FIGN: variants seen among roughly 807,000 people sequenced by gnomAD.
The protein encoded by FIGN is fidgetin.
In FIGN, 11 loss-of-function variants were observed where a neutral mutation model predicts 51.3. The observed-to-expected ratio is 0.21, with a 90% CI of 0.13 to 0.35. The LOEUF is 0.35. Among genes scored for constraint, FIGN ranks in the 10% least tolerant of loss-of-function variants. The probability of loss-of-function intolerance (pLI) is 1.00; values close to 1 mark genes in which losing one functional copy is unlikely to be tolerated. For synonymous variants in FIGN, 407 were observed against 363.2 expected, an observed-to-expected ratio of 1.12 and a Z score of -1.37; for missense variants, 857 against 943.6, an observed-to-expected ratio of 0.91 and a Z score of 1.20.
At chr2:163,634,089 C>CGT (rs66956230) in intron 2 of FIGN, among the ~76,000 whole-genome samples, 6,045 of 145,124 alleles carry the variant, frequency 0.042, 254 homozygotes, top group East Asian at 0.19. Flanking sequence ...CGTATGTATG[C>CGT]GTGTGTGTGT....
chr2:163,710,626 CCTGA>C (rs1180723483), intron 2 of FIGN, among the ~76,000 whole-genome samples: 4 of 152,188 alleles, frequency 2.6e-5, no homozygotes, highest in African/African-American at 9.6e-5. Context: ...CTTTGTGCTG[CCTGA>C]CTATGACATA....
At chr2:163,614,235 A>T (rs1298252750) in intron 2 of FIGN, among the ~76,000 whole-genome samples, 1 of 152,136 alleles carries the variant, frequency 6.6e-6, no homozygotes, top group East Asian at 1.9e-4. Context: ...AATGGGTGAA[A>T]TGACCGAAAC....
intron 2 of FIGN, among the ~76,000 whole-genome samples, chr2:163,648,832 T>A (rs767310531): frequency 1.3e-5 from 2 of 152,230 alleles, no homozygotes; most frequent in Non-Finnish European, 2.9e-5. Context: ...CAGTAACTTT[T>A]AGCTTGCAAT....
chr2:163,611,121 ATT>A lies in FIGN; in HGVS notation c.709_710del (p.Asn237TrpfsTer4). 1 of 1,614,128 alleles carries A rather than the reference ATT, an allele frequency of 6.2e-7. No individual in the cohort carries two copies. The highest frequency in any genetic ancestry group is 8.5e-7 in the Non-Finnish European group (1 of 1,180,014). On this transcript the variant is annotated frameshift_variant, in exon 3 of 3. Coordinates refer to ENST00000333129, the MANE Select transcript of FIGN (RefSeq NM_018086.4). LOFTEE classifies it high-confidence loss of function. ...TGTAACTGGAGAGGTTAGAAGTCCC[ATT>A]GTAGCCTGGGACCAAGGCTGGTGGC... Reference protein sequence around the residue: ...PPPPALVPGYNGTSNLSSYSY... With the variant: ...PPPPALVPGYXGTSNLSSYSY...
At chr2:163,731,480 A>G (rs1255369911) in intron 2 of FIGN, among the ~76,000 whole-genome samples, 1 of 152,134 alleles carries the variant, frequency 6.6e-6, no homozygotes, top group Non-Finnish European at 1.5e-5. Context: ...ATCAGAAGTA[A>G]CTACCTACAA....
intron 2 of FIGN, among the ~76,000 whole-genome samples, chr2:163,688,123 G>C (rs780318951): frequency 6.6e-6 from 1 of 152,042 alleles, no homozygotes; most frequent in Non-Finnish European, 1.5e-5. Flanking sequence ...GTATATATAC[G>C]GCATTCACTC....
chr2:163,650,489 C>T (rs1343663610), intron 2 of FIGN, among the ~76,000 whole-genome samples: 5 of 151,990 alleles, frequency 3.3e-5, no homozygotes, highest in Non-Finnish European at 7.4e-5. Context: ...GTTTGTTGCA[C>T]TAATCAGTTT....
chr2:163,732,785 C>T (rs942752519), intron 2 of FIGN, among the ~76,000 whole-genome samples: 2 of 152,152 alleles, frequency 1.3e-5, no homozygotes, highest in Admixed American at 6.5e-5. Context: ...AAGCAGCTTC[C>T]ACCTCGGACC....
chr2:163,675,380 A>T (rs1192380170), intron 2 of FIGN, among the ~76,000 whole-genome samples: 2 of 152,226 alleles, frequency 1.3e-5, no homozygotes, highest in Non-Finnish European at 2.9e-5. Flanking sequence ...CAGAATCTAG[A>T]ATTTCTTATC....
chr2:163,713,167 C>G (rs1684614634), intron 2 of FIGN, among the ~76,000 whole-genome samples: 1 of 152,058 alleles, frequency 6.6e-6, no homozygotes, highest in Non-Finnish European at 1.5e-5. Flanking sequence ...ACTGTTACAC[C>G]AATTTTGCAA....
intron 2 of FIGN, among the ~76,000 whole-genome samples, chr2:163,663,934 CA>C (rs1683732907): frequency 6.6e-6 from 1 of 151,752 alleles, no homozygotes; most frequent in Admixed American, 6.6e-5. Flanking sequence ...GGCCAGTAAA[CA>C]AAATGACGAC....
intron 2 of FIGN, among the ~76,000 whole-genome samples, chr2:163,624,709 T>TATA (rs1553493913): frequency 0.06 from 7,980 of 132,492 alleles, 497 homozygotes; most frequent in East Asian, 0.35. Flanking sequence ...TATATATATA[T>TATA]TTTTTTTTTT....
At chr2:163,643,958 A>AAAAAAAAAG (rs1270596923) in intron 2 of FIGN, among the ~76,000 whole-genome samples, 1 of 146,856 alleles carries the variant, frequency 6.8e-6, no homozygotes, top group African/African-American at 2.5e-5. Flanking sequence ...AAAAAAAAAA[A>AAAAAAAAAG]GTCAGAATGG....
At chr2:163,612,259 C>T in intron 2 of FIGN, 2 of 937,856 alleles carry the variant, frequency 2.1e-6, no homozygotes, top group South Asian at 4.9e-5. Context: ...TGTCTGTTCA[C>T]ATCACAGTTT....
chr2:163,702,728 A>G lies in FIGN; in HGVS notation c.25+32175T>C, dbSNP rs946217034. On this transcript the variant is annotated intron_variant, in intron 2 of 2. Transcript: ENST00000333129. ...TAACTTGACTATTTAGCGATTCACT[A>G]TTTAGCAATTTGCTATTTTTATTAC... 1.1e-4 allele frequency among the ~76,000 whole-genome samples: 16 copies of G among 152,318 alleles called. No homozygotes were observed. In the East Asian group the frequency reaches 2.9e-3, roughly 28 times the overall value.
At chr2:163,639,675 C>A (rs1478743205) in intron 2 of FIGN, among the ~76,000 whole-genome samples, 1 of 152,026 alleles carries the variant, frequency 6.6e-6, no homozygotes, top group Non-Finnish European at 1.5e-5. Flanking sequence ...ACACTGAAAC[C>A]AAATAGGAAA....
At position 163,634,737 on chromosome 2, in the gene FIGN, T is replaced by C. The variant is rs530930571; in HGVS notation, c.26-22931A>G. On this transcript the variant is annotated intron_variant, in intron 2 of 2. Coordinates refer to ENST00000333129, the MANE Select transcript of FIGN (RefSeq NM_018086.4). ...AGACTGATGAACAGTTACACATACATATGCATTAGAATATTTTTGGAACTT... is the reference window on the plus strand; with the variant it reads ...AGACTGATGAACAGTTACACATACACATGCATTAGAATATTTTTGGAACTT... 2.6e-4 allele frequency among the ~76,000 whole-genome samples: 40 copies of C among 152,346 alleles called. 1 individual carries two copies. In the South Asian group the frequency reaches 8.1e-3, roughly 31 times the overall value.
At chr2:163,636,706 CAT>C (rs964054735) in intron 2 of FIGN, among the ~76,000 whole-genome samples, 2 of 152,082 alleles carry the variant, frequency 1.3e-5, no homozygotes, top group Non-Finnish European at 2.9e-5. Flanking sequence ...TTTTCCCAAA[CAT>C]AACACTAGGG....
intron 2 of FIGN, among the ~76,000 whole-genome samples, chr2:163,693,574 C>T (rs1416330255): frequency 6.6e-6 from 1 of 151,916 alleles, no homozygotes; most frequent in Admixed American, 6.6e-5. Context: ...TTAAAGGAAC[C>T]AAAATTAGAG....
Sources: allele counts gnomAD v4.1 joint callset (sites outside exome capture counted in the v4.1 genomes callset), GRCh38; gene constraint gnomAD v4.1.1; transcripts MANE v1.5; gene names NCBI Gene and HGNC (gene_info 2026-07-23, HGNC 2026-07-21).